The following ZBTB20 variants were observed in gnomAD, a reference collection of about 807,000 sequenced individuals.
ZBTB20 encodes the protein zinc finger and BTB domain-containing protein 20.
ZBTB20 carries 9 observed loss-of-function variants against 56.9 expected under a neutral mutation model. The ratio of observed to expected loss-of-function variants is 0.16; its 90% CI spans 0.10 to 0.28. The LOEUF (loss-of-function observed/expected upper bound fraction) is 0.28, where lower values mean the gene tolerates loss of function less well. Among genes scored for constraint, ZBTB20 ranks in the 10% least tolerant of loss-of-function variants. The pLI, the probability that ZBTB20 is intolerant of heterozygous loss-of-function variation, is 1.00. For synonymous variants in ZBTB20, 417 were observed against 420.7 expected (o/e 0.99, Z 0.11); for missense variants, 655 against 1,003.0 (o/e 0.65, Z 4.69).
At chr3:114,405,077 C>T (rs1418866016) in intron 7 of ZBTB20, among the ~76,000 whole-genome samples, 1 of 151,884 alleles carries the variant, frequency 6.6e-6, no homozygotes, top group African/African-American at 2.4e-5. Context: ...GTTGCAGTGT[C>T]CTCATAGGAG....
intron 1 of ZBTB20, among the ~76,000 whole-genome samples, chr3:115,095,778 TTGA>T (rs2083359656): frequency 6.6e-6 from 1 of 152,210 alleles, no homozygotes; most frequent in African/African-American, 2.4e-5. Context: ...TCAACATTAT[TTGA>T]TGATTAATGT....
rs145855881 is a variant in ZBTB20 at position 115,056,122 on chromosome 3, A to T, written c.-507+15097T>A. Among the ~76,000 whole-genome samples, 1,354 of 152,254 alleles carry T rather than the reference A, an allele frequency of 8.9e-3. 22 individuals carry two copies. Among genetic ancestry groups the T allele is most frequent in the South Asian group, 0.021 (100 of 4,828 alleles). Reference sequence around the variant, plus strand: ...AAAATAATGAGAGATACATATAAGCATGTATGGGAGTGTGTAAAACATTTT... The same window carrying T: ...AAAATAATGAGAGATACATATAAGCTTGTATGGGAGTGTGTAAAACATTTT... On this transcript the variant is annotated intron_variant, in intron 2 of 11. Coordinates refer to ENST00000675478, the MANE Select transcript of ZBTB20 (RefSeq NM_001348800.3).
chr3:114,663,999 T>C (rs1317263578), intron 6 of ZBTB20, among the ~76,000 whole-genome samples: 1 of 152,020 alleles, frequency 6.6e-6, no homozygotes, highest in East Asian at 1.9e-4. Flanking sequence ...ATTTTGCTTC[T>C]TAAGTAGATG....
intron 4 of ZBTB20, among the ~76,000 whole-genome samples, chr3:114,897,706 C>G (rs1307775867): frequency 6.6e-6 from 1 of 152,040 alleles, no homozygotes; most frequent in Non-Finnish European, 1.5e-5. Flanking sequence ...CTGGAAAAAA[C>G]CGATGTCTTT....
At chr3:114,473,163 C>G (rs192165065) in intron 7 of ZBTB20, among the ~76,000 whole-genome samples, 8 of 152,202 alleles carry the variant, frequency 5.3e-5, no homozygotes, top group African/African-American at 1.9e-4. Flanking sequence ...GTGAACAGCA[C>G]GCTTTATGTG....
intron 6 of ZBTB20, among the ~76,000 whole-genome samples, chr3:114,574,927 T>C (rs781476601): frequency 2.6e-5 from 4 of 152,198 alleles, no homozygotes; most frequent in Non-Finnish European, 4.4e-5. Context: ...CTATATGCAC[T>C]TACGTTTTTA....
At chr3:114,965,035 A>G (rs935026701) in intron 3 of ZBTB20, among the ~76,000 whole-genome samples, 2 of 152,338 alleles carry the variant, frequency 1.3e-5, no homozygotes, top group African/African-American at 4.8e-5. Flanking sequence ...ATGATAACAT[A>G]TTAATGGAAG....
intron 5 of ZBTB20, among the ~76,000 whole-genome samples, chr3:114,787,606 G>A (rs999715740): frequency 2.0e-5 from 3 of 151,780 alleles, no homozygotes; most frequent in Admixed American, 2.0e-4. Flanking sequence ...GTTCTTCAGT[G>A]TGATGGAACT....
chr3:115,112,223 TA>T (rs2083899543), intron 1 of ZBTB20, among the ~76,000 whole-genome samples: 1 of 152,222 alleles, frequency 6.6e-6, no homozygotes, highest in African/African-American at 2.4e-5. Context: ...GTATATGTGA[TA>T]TTTTGTTACA....
chr3:114,350,401 G>C lies in ZBTB20; in HGVS notation c.1677C>G (p.Pro559=). ...TGCTGTGGCCTGCGGATGAGGCCAG[G>C]GGCTGTGGCGCTGGCAGCTGTGCAG... The part of the protein sequence containing the change: ...TFTAQLPAPQ[P]LASSAGHSTA... The change falls in exon 11 of 12, where the codon CCC becomes CCG. Residue 559 remains proline (P), a synonymous_variant. Coordinates refer to ENST00000675478, the MANE Select transcript of ZBTB20 (RefSeq NM_001348800.3). 1 of 1,614,200 alleles carries C rather than the reference G, an allele frequency of 6.2e-7. No homozygotes were observed. Among genetic ancestry groups the C allele is most frequent in the Non-Finnish European group, 8.5e-7 (1 of 1,180,044 alleles).
At chr3:114,651,131 C>T (rs1476503550) in intron 6 of ZBTB20, among the ~76,000 whole-genome samples, 1 of 151,960 alleles carries the variant, frequency 6.6e-6, no homozygotes, top group Non-Finnish European at 1.5e-5. Context: ...TTAAAAAGAA[C>T]AAGAAAGGAA....
At chr3:114,752,669 G>C (rs1207234510) in intron 5 of ZBTB20, among the ~76,000 whole-genome samples, 1 of 152,118 alleles carries the variant, frequency 6.6e-6, no homozygotes, top group African/African-American at 2.4e-5. Flanking sequence ...TTTACAATTA[G>C]GTTGTTAGTC....
At chr3:114,647,071 G>T (rs1168255542) in intron 6 of ZBTB20, among the ~76,000 whole-genome samples, 2 of 151,952 alleles carry the variant, frequency 1.3e-5, no homozygotes, top group African/African-American at 4.8e-5. Context: ...CCATTCTCCT[G>T]CCTCAGCCTC....
At chr3:115,088,865 T>C (rs1029290413) in intron 1 of ZBTB20, among the ~76,000 whole-genome samples, 1 of 151,858 alleles carries the variant, frequency 6.6e-6, no homozygotes. Context: ...AATTGTTGTG[T>C]TTCACAGCGT....
At chr3:114,502,063 C>A (rs1169607083) in intron 6 of ZBTB20, among the ~76,000 whole-genome samples, 1 of 151,932 alleles carries the variant, frequency 6.6e-6, no homozygotes, top group Non-Finnish European at 1.5e-5. Context: ...AGGAGGAGAG[C>A]CATGACAAAT....
chr3:114,760,572 C>CA (rs2068365027), intron 5 of ZBTB20, among the ~76,000 whole-genome samples: 1 of 152,232 alleles, frequency 6.6e-6, no homozygotes, highest in African/African-American at 2.4e-5. Flanking sequence ...ATGACAATTT[C>CA]AGATAAATGT....
chr3:114,568,138 A>G (rs971985174), intron 6 of ZBTB20, among the ~76,000 whole-genome samples: 1 of 152,248 alleles, frequency 6.6e-6, no homozygotes, highest in East Asian at 1.9e-4. Flanking sequence ...GCCTTTCTCA[A>G]TAGAACAGGC....
intron 5 of ZBTB20, among the ~76,000 whole-genome samples, chr3:114,698,183 C>T (rs996619305): frequency 6.6e-6 from 1 of 152,012 alleles, no homozygotes; most frequent in African/African-American, 2.4e-5. Context: ...GAAATACATT[C>T]TATTTTACCC....
rs60227444 is a variant in ZBTB20 at position 114,434,542 on chromosome 3, G to GGGTGTGTGTGTGTGTT, written c.-254-45438_-254-45437insAACACACACACACACC. On this transcript the variant is annotated intron_variant, in intron 7 of 11. Transcript: ENST00000675478. Reference sequence around the variant, plus strand: ...TGAAGAGTAGCCTTCTGCAATTGGGGTGTGTGTGTGTGTGTTTGTGTGTGT... The same window carrying GGGTGTGTGTGTGTGTT: ...TGAAGAGTAGCCTTCTGCAATTGGGGGGTGTGTGTGTGTGTTTGTGTGTGTGTGTGTTTGTGTGTGT... Among the ~76,000 whole-genome samples, 600 of 81,060 alleles carry GGGTGTGTGTGTGTGTT rather than the reference G, an allele frequency of 7.4e-3. 2 individuals are homozygous for GGGTGTGTGTGTGTGTT. The highest frequency in any genetic ancestry group is 0.019 in the South Asian group (34 of 1,804). The allele number at this position is 81,060 out of a possible 152,430, so 53.2% of individuals were successfully genotyped here. A position where few individuals can be genotyped will look rare whatever the true frequency, so the allele number is the denominator to read the frequency against.
Sources: gnomAD v4.1 joint callset for allele counts (sites outside exome capture counted in the v4.1 genomes callset) on GRCh38, gnomAD v4.1.1 for gene constraint, MANE v1.5 for transcripts, NCBI Gene and HGNC (gene_info 2026-07-23, HGNC 2026-07-21) for gene names.